ANO2: variants seen among roughly 807,000 people sequenced by gnomAD.
ANO2 encodes the protein anoctamin-2.
In ANO2, 101 loss-of-function variants were observed where a neutral mutation model predicts 124.2. The ratio of observed to expected loss-of-function variants is 0.81; its 90% CI spans 0.69 to 0.96. The LOEUF (loss-of-function observed/expected upper bound fraction) is 0.96. ANO2 is among the 40% of genes least tolerant of loss of function. The probability of loss-of-function intolerance (pLI) is 0.00; values close to 1 mark genes in which losing one functional copy is unlikely to be tolerated. For synonymous variants in ANO2, 486 were observed against 482.5 expected (o/e 1.01, Z -0.09); for missense variants, 1,293 against 1,274.5 (o/e 1.01, Z -0.22).
intron 9 of ANO2, 146 bp from the exon 10 acceptor site, chr12:5,799,717 T>G (rs1952983469): frequency 2.8e-6 from 2 of 723,596 alleles, no homozygotes; most frequent in Admixed American, 4.7e-5. Context: ...ATGTTCAGAA[T>G]CGGGAGGCTA....
At chr12:5,684,463 T>C (rs1379117507) in intron 14 of ANO2, among the ~76,000 whole-genome samples, 1 of 152,178 alleles carries the variant, frequency 6.6e-6, no homozygotes, top group Non-Finnish European at 1.5e-5. Flanking sequence ...TGTGGGGAGC[T>C]GCCCTTCTCT....
intron 10 of ANO2, among the ~76,000 whole-genome samples, chr12:5,793,951 G>A (rs1163853941): frequency 6.6e-6 from 1 of 152,176 alleles, no homozygotes; most frequent in Non-Finnish European, 1.5e-5. Flanking sequence ...AGGAGACTGG[G>A]GCAGAGCCTT....
intron 1 of ANO2, among the ~76,000 whole-genome samples, chr12:5,923,340 C>T (rs1941927761): frequency 6.6e-6 from 1 of 152,090 alleles, no homozygotes; most frequent in Non-Finnish European, 1.5e-5. Context: ...GTCATAATCT[C>T]TCATAATTCC....
At chr12:5,849,445 G>A (rs1473393669) in intron 4 of ANO2, among the ~76,000 whole-genome samples, 1 of 152,210 alleles carries the variant, frequency 6.6e-6, no homozygotes, top group East Asian at 1.9e-4. Context: ...TCTTGGTAAT[G>A]AGCAGACGTA....
intron 1 of ANO2, among the ~76,000 whole-genome samples, chr12:5,939,036 G>GT (rs1565797591): frequency 6.6e-6 from 1 of 151,292 alleles, no homozygotes; most frequent in Non-Finnish European, 1.5e-5. Context: ...GGCCAAGAGA[G>GT]TAAAACCCCG....
intron 4 of ANO2, among the ~76,000 whole-genome samples, chr12:5,841,357 A>G (rs1489008088): frequency 6.6e-6 from 1 of 152,204 alleles, no homozygotes; most frequent in South Asian, 2.1e-4. Flanking sequence ...GTTTCCCCTC[A>G]GCAACAACAC....
At chr12:5,668,395 G>GTTTTTTTTTTTTTTTTT (rs539092061) in intron 14 of ANO2, among the ~76,000 whole-genome samples, 1 of 149,100 alleles carries the variant, frequency 6.7e-6, no homozygotes, top group African/African-American at 2.5e-5. Flanking sequence ...ACTTTTTAAT[G>GTTTTTTTTTTTTTTTTT]TTTTTTTTTT....
chr12:5,565,227 C>A (rs1941678287), intron 24 of ANO2, among the ~76,000 whole-genome samples: 1 of 152,178 alleles, frequency 6.6e-6, no homozygotes, highest in Non-Finnish European at 1.5e-5. Flanking sequence ...CTGCCCCAGG[C>A]TGGGACTCTG....
intron 20 of ANO2, among the ~76,000 whole-genome samples, chr12:5,591,715 T>C (rs900814155): frequency 1.3e-5 from 2 of 152,202 alleles, no homozygotes; most frequent in African/African-American, 4.8e-5. Context: ...ATACTTACTA[T>C]GCCAGGGAGT....
chr12:5,802,720 C>G (rs1953079375), intron 9 of ANO2, among the ~76,000 whole-genome samples: 1 of 152,212 alleles, frequency 6.6e-6, no homozygotes, highest in Non-Finnish European at 1.5e-5. Flanking sequence ...TAATGCAGCT[C>G]TTAGTGAATC....
At chr12:5,796,731 G>A (rs1952874123) in intron 10 of ANO2, among the ~76,000 whole-genome samples, 2 of 152,224 alleles carry the variant, frequency 1.3e-5, no homozygotes, top group African/African-American at 2.4e-5. Flanking sequence ...TGCAGGGAAG[G>A]GTGTCTTGCC....
At chr12:5,854,356 T>C (rs1274455996) in intron 3 of ANO2, among the ~76,000 whole-genome samples, 1 of 140,112 alleles carries the variant, frequency 7.1e-6, no homozygotes, top group Non-Finnish European at 1.5e-5. Context: ...AGTAGGATAG[T>C]GTTCCCAAAG....
At position 5,924,025 on chromosome 12, in the gene ANO2, G is replaced by C. The variant is rs114486658; in HGVS notation, c.23-1221C>G. On this transcript the variant is annotated intron_variant, in intron 1 of 24. Coordinates refer to ENST00000682330, the MANE Select transcript of ANO2 (RefSeq NM_001364791.2). ...CACCCAGAGCAGTGATTAGCCTGAC[G>C]GCATGTGATCAAAGGCTGTGATTAG... 9.9e-3 allele frequency among the ~76,000 whole-genome samples: 1,512 copies of C among 152,306 alleles called. 25 individuals carry two copies. Among genetic ancestry groups the C allele is most frequent in the African/African-American group, 0.034 (1,404 of 41,552 alleles).
At chr12:5,919,944 G>A (rs1045581511) in intron 3 of ANO2, among the ~76,000 whole-genome samples, 11 of 152,064 alleles carry the variant, frequency 7.2e-5, no homozygotes, top group South Asian at 2.1e-4. Context: ...TGATCCGCCC[G>A]CCTCAGCCTC....
intron 10 of ANO2, among the ~76,000 whole-genome samples, chr12:5,751,805 T>C (rs963343358): frequency 3.3e-5 from 5 of 152,230 alleles, no homozygotes; most frequent in African/African-American, 9.6e-5. Context: ...ATAGGCTCTA[T>C]ATTATACAGT....
At position 5,610,040 on chromosome 12, in the gene ANO2, T is replaced by C. The variant is rs1944412817; in HGVS notation, c.2087+2616A>G. 2.9e-5 allele frequency among the ~76,000 whole-genome samples: 4 copies of C among 137,468 alleles called. No homozygotes were observed. In the South Asian group the frequency reaches 8.7e-4, roughly 30 times the overall value. The allele number at this position is 137,468 out of a possible 152,430, so 90.2% of individuals were successfully genotyped here. ...ATAATATATTTATATTATAGATAAATATAAATATATTATATATAAATATTT... is the reference window on the plus strand; with the variant it reads ...ATAATATATTTATATTATAGATAAACATAAATATATTATATATAAATATTT... On this transcript the variant is annotated intron_variant, in intron 19 of 24. Transcript: ENST00000682330.
chr12:5,781,693 G>A (rs946034764), intron 10 of ANO2, among the ~76,000 whole-genome samples: 1 of 148,602 alleles, frequency 6.7e-6, no homozygotes, highest in African/African-American at 2.5e-5. Context: ...AATGGTTTAG[G>A]TCAGCTTGCA....
At chr12:5,809,537 A>G (rs905130057) in intron 7 of ANO2, among the ~76,000 whole-genome samples, 2 of 152,178 alleles carry the variant, frequency 1.3e-5, no homozygotes, top group Non-Finnish European at 2.9e-5. Context: ...CTCATCTGCT[A>G]ATTCTCAGCT....
Position 5,925,397 on chromosome 12 carries a change from A to G in ANO2, c.23-2593T>C, listed in dbSNP as rs996277766. On this transcript the variant is annotated intron_variant, in intron 1 of 24. Coordinates refer to ENST00000682330, the MANE Select transcript of ANO2 (RefSeq NM_001364791.2). The surrounding 1 kb of genome is among the most constrained non-coding windows in gnomAD (Gnocchi z 4.6). ...GACACACGGATCCGGCTGCCTGGGAACTCTGCTTCCCTTCTCTCCCTCTCC... is the reference window on the plus strand; with the variant it reads ...GACACACGGATCCGGCTGCCTGGGAGCTCTGCTTCCCTTCTCTCCCTCTCC... 1.1e-4 allele frequency among the ~76,000 whole-genome samples: 16 copies of G among 151,844 alleles called. No homozygotes were observed. Among genetic ancestry groups the G allele is most frequent in the African/African-American group, 3.9e-4 (16 of 41,296 alleles).
Sources: allele counts gnomAD v4.1 joint callset (sites outside exome capture counted in the v4.1 genomes callset), GRCh38; gene constraint gnomAD v4.1.1; non-coding constraint Gnocchi (gnomAD v3.1); transcripts MANE v1.5; gene names NCBI Gene and HGNC (gene_info 2026-07-23, HGNC 2026-07-21).